The following GPBP1L1 variants were observed in gnomAD, a reference collection of about 807,000 sequenced individuals.
GPBP1L1 encodes vasculin-like protein 1.
In GPBP1L1, 23 loss-of-function variants were observed where a neutral mutation model predicts 52.5. The observed-to-expected ratio is 0.44, with a 90% CI of 0.32 to 0.62. The LOEUF (loss-of-function observed/expected upper bound fraction) is 0.62, where lower values mean the gene tolerates loss of function less well. Among genes scored for constraint, GPBP1L1 ranks in the 20% least tolerant of loss-of-function variants. The pLI, the probability that GPBP1L1 is intolerant of heterozygous loss-of-function variation, is 0.06. For synonymous variants in GPBP1L1, 243 were observed against 203.1 expected (o/e 1.20, Z -1.67); for missense variants, 596 against 579.3 (o/e 1.03, Z -0.30).
At position 45,629,454 on chromosome 1, in the gene GPBP1L1, T is replaced by TCCTCC. The variant is rs1644499671; in HGVS notation, c.1272+121_1272+122insGGAGG. 17 of 117,612 alleles carry TCCTCC rather than the reference T, an allele frequency of 1.4e-4. 2 individuals carry two copies. Among genetic ancestry groups the TCCTCC allele is most frequent in the South Asian group, 2.9e-4 (3 of 10,420 alleles). 7.3% of individuals were successfully genotyped at this position (117,612 alleles called of 1,614,324 possible). On this transcript the variant is annotated intron_variant, in intron 12 of 12. Transcript: ENST00000355105. ...CCCCACTACATTTCTACTAAGGTAA[T>TCCTCC]CCCCCCCCCCCCCACCCGATCTTTC...
At chr1:45,663,005 C>T (rs932550777) in intron 2 of GPBP1L1, among the ~76,000 whole-genome samples, 8 of 144,398 alleles carry the variant, frequency 5.5e-5, no homozygotes, top group African/African-American at 1.8e-4. Context: ...GAGCCGAGAT[C>T]CCACCAATGC....
At chr1:45,666,437 C>T (rs4415615) in intron 2 of GPBP1L1, among the ~76,000 whole-genome samples, 43,137 of 152,028 alleles carry the variant, frequency 0.28, 6,268 homozygotes, top group South Asian at 0.37. Context: ...TGAGCCACCG[C>T]GCTCGGCCTC....
At chr1:45,651,379 C>T (rs1287564600) in intron 6 of GPBP1L1, 3 of 379,194 alleles carry the variant, frequency 7.9e-6, no homozygotes, top group South Asian at 2.2e-5. Context: ...GCTGAGTCTT[C>T]GTGTTCTCCA....
chr1:45,685,506 AAC>A (rs1490184885), intron 2 of GPBP1L1, 68 bp downstream of exon 2: 4 of 152,162 alleles, frequency 2.6e-5, no homozygotes, highest in Admixed American at 2.0e-4. Context: ...GCAACTATTA[AAC>A]ACACACACCA....
At position 45,660,226 on chromosome 1, in the gene GPBP1L1, G is replaced by C; in HGVS notation, c.-98C>G. On this transcript the variant is annotated 5_prime_UTR_variant, in exon 3 of 13. Transcript: ENST00000355105. ...GTGGTCCTGTTTCTGAACTCGAGTC[G>C]GCCAGCTGGATCTCCCACAAGGTTT... 1.2e-5 allele frequency: 12 copies of C among 985,174 alleles called. No individual in the cohort carries two copies. Among genetic ancestry groups the C allele is most frequent in the Non-Finnish European group, 1.4e-5 (12 of 829,902 alleles). The allele number at this position is 985,174 out of a possible 1,614,324, so 61.0% of individuals were successfully genotyped here.
chr1:45,630,953 CAGA>C (rs1442180421), intron 10 of GPBP1L1, among the ~76,000 whole-genome samples: 1 of 152,050 alleles, frequency 6.6e-6, no homozygotes, highest in African/African-American at 2.4e-5. Context: ...GTGGTACTGG[CAGA>C]AGATGACACA....
chr1:45,646,809 G>C (rs1221993603), intron 6 of GPBP1L1, among the ~76,000 whole-genome samples: 2 of 151,882 alleles, frequency 1.3e-5, no homozygotes, highest in African/African-American at 4.8e-5. Flanking sequence ...TGCCCCCCTC[G>C]GCCTCCCAAA....
intron 3 of GPBP1L1, 25 bp from the exon 4 acceptor site, chr1:45,659,167 C>T: frequency 7.4e-7 from 1 of 1,342,492 alleles, no homozygotes; most frequent in Non-Finnish European, 1.1e-6. Flanking sequence ...ATTCAAATCA[C>T]TTATGTTTAC....
intron 8 of GPBP1L1, 98 bp from the exon 9 acceptor site, chr1:45,634,334 C>T: frequency 1.6e-6 from 2 of 1,252,334 alleles, no homozygotes; most frequent in Non-Finnish European, 2.2e-6. Flanking sequence ...TACATGAGAA[C>T]ATAAGTTTCC....
chr1:45,660,372 T>C lies in GPBP1L1; in HGVS notation c.-244A>G. Reference sequence around the variant, plus strand: ...CCTCAACTGCTCATCTTAAACTATTTGGTTCCTGACACGTTTCCAAAAGGG... The same window carrying C: ...CCTCAACTGCTCATCTTAAACTATTCGGTTCCTGACACGTTTCCAAAAGGG... On this transcript the variant is annotated 5_prime_UTR_variant, in exon 3 of 13. Coordinates refer to ENST00000355105, the MANE Select transcript of GPBP1L1 (RefSeq NM_021639.5). 1 of 984,352 alleles carries C rather than the reference T, an allele frequency of 1.0e-6. No homozygotes were observed. The highest frequency in any genetic ancestry group is 1.2e-6 in the Non-Finnish European group (1 of 829,660). 61.0% of individuals were successfully genotyped at this position (984,352 alleles called of 1,614,324 possible).
intron 6 of GPBP1L1, among the ~76,000 whole-genome samples, chr1:45,653,073 C>G (rs10789467): frequency 0.29 from 43,583 of 152,038 alleles, 6,388 homozygotes; most frequent in East Asian, 0.37. Flanking sequence ...TTGAAGAACA[C>G]TCACCTGGGA....
At chr1:45,629,817 A>G (rs932379473) in intron 11 of GPBP1L1, 139 bp from the exon 12 acceptor site, 11 of 627,406 alleles carry the variant, frequency 1.8e-5, no homozygotes, top group African/African-American at 3.6e-5. Context: ...TCCCTGTGGG[A>G]CAAGCTTTAA....
intron 2 of GPBP1L1, among the ~76,000 whole-genome samples, chr1:45,677,063 C>A (rs1645155710): frequency 6.6e-6 from 1 of 151,818 alleles, no homozygotes; most frequent in South Asian, 2.1e-4. Context: ...AGGGCCAGTG[C>A]AGTGGCTCAC....
chr1:45,676,482 G>A (rs12080482), intron 2 of GPBP1L1, among the ~76,000 whole-genome samples: 1,776 of 152,034 alleles, frequency 0.012, 25 homozygotes, highest in African/African-American at 0.037. Flanking sequence ...GCCGAGGTGG[G>A]AGGATCACCT....
At chr1:45,648,145 G>C (rs1159807103) in intron 6 of GPBP1L1, among the ~76,000 whole-genome samples, 1 of 152,052 alleles carries the variant, frequency 6.6e-6, no homozygotes, top group Non-Finnish European at 1.5e-5. Flanking sequence ...TCACCACGTT[G>C]CCCAGGCTGG....
intron 2 of GPBP1L1, among the ~76,000 whole-genome samples, chr1:45,668,110 TCAA>T: frequency 6.6e-6 from 1 of 152,236 alleles, no homozygotes; most frequent in African/African-American, 2.4e-5. Context: ...CATTTATTCC[TCAA>T]CCCACAGAAA....
At chr1:45,668,578 C>T (rs998090816) in intron 2 of GPBP1L1, among the ~76,000 whole-genome samples, 5 of 152,034 alleles carry the variant, frequency 3.3e-5, no homozygotes, top group Non-Finnish European at 7.4e-5. Flanking sequence ...TGCTTGAACC[C>T]GGGAAGTGGC....
At chr1:45,635,113 A>AG (rs1309802290) in intron 8 of GPBP1L1, 2 of 152,198 alleles carry the variant, frequency 1.3e-5, no homozygotes, top group Non-Finnish European at 2.9e-5. Flanking sequence ...ACCATGTACC[A>AG]GGTGATGGTC....
At chr1:45,653,273 T>G (rs1644840421) in intron 6 of GPBP1L1, among the ~76,000 whole-genome samples, 1 of 152,126 alleles carries the variant, frequency 6.6e-6, no homozygotes. Context: ...GTGGTGGCTG[T>G]CTGTAATCCT....
Sources: gnomAD v4.1 joint callset for allele counts (sites outside exome capture counted in the v4.1 genomes callset) on GRCh38, gnomAD v4.1.1 for gene constraint, MANE v1.5 for transcripts, NCBI Gene and HGNC (gene_info 2026-07-23, HGNC 2026-07-21) for gene names.